The following CFAP299 variants were observed in gnomAD, a reference collection of about 807,000 sequenced individuals.
The protein encoded by CFAP299 is cilia- and flagella-associated protein 299.
In CFAP299, 21 loss-of-function variants were observed where a neutral mutation model predicts 27.0. The observed-to-expected ratio is 0.78, with a 90% CI of 0.55 to 1.12. The LOEUF (loss-of-function observed/expected upper bound fraction) is 1.12. CFAP299 is among the 50% of genes most tolerant of loss of function. The pLI is 0.00. For synonymous variants in CFAP299, 104 were observed against 98.1 expected (o/e 1.06, Z -0.36); for missense variants, 310 against 276.6 (o/e 1.12, Z -0.86).
At chr4:80,554,145 A>G (rs1409940043) in intron 2 of CFAP299, among the ~76,000 whole-genome samples, 1 of 152,128 alleles carries the variant, frequency 6.6e-6, no homozygotes, top group Non-Finnish European at 1.5e-5. Flanking sequence ...TAAGTCTTCA[A>G]TCCATCTCGA....
intron 2 of CFAP299, among the ~76,000 whole-genome samples, chr4:80,527,001 C>G (rs1250285752): frequency 2.6e-5 from 4 of 151,562 alleles, no homozygotes; most frequent in African/African-American, 9.7e-5. Context: ...GGGCCAGTTA[C>G]TTAAATTTTT....
At position 80,737,093 on chromosome 4, in the gene CFAP299, C is replaced by A. The variant is rs1036952273; in HGVS notation, c.334-132900C>A. Among the ~76,000 whole-genome samples, 24 of 146,754 alleles carry A rather than the reference C, an allele frequency of 1.6e-4. 1 individual carries two copies. The highest frequency in any genetic ancestry group is 1.6e-4 in the Non-Finnish European group (11 of 67,462). On this transcript the variant is annotated intron_variant, in intron 3 of 5. Transcript: ENST00000358105. ...AAACCAAACACCGCATATTCTCACT[C>A]ATAGGTGGGAACTGAACAACGAGAA...
intron 2 of CFAP299, among the ~76,000 whole-genome samples, chr4:80,541,923 C>A (rs1734011342): frequency 6.6e-6 from 1 of 151,220 alleles, no homozygotes; most frequent in Non-Finnish European, 1.5e-5. Flanking sequence ...ACAAAGGTAT[C>A]AAGGACATTA....
At chr4:80,889,445 C>T (rs1404768467) in intron 4 of CFAP299, among the ~76,000 whole-genome samples, 1 of 151,826 alleles carries the variant, frequency 6.6e-6, no homozygotes, top group African/African-American at 2.4e-5. Flanking sequence ...TCCAAAACCT[C>T]AATAGACCGA....
At chr4:80,367,738 C>G (rs754141323) in intron 2 of CFAP299, among the ~76,000 whole-genome samples, 2 of 152,142 alleles carry the variant, frequency 1.3e-5, no homozygotes, top group Non-Finnish European at 2.9e-5. Context: ...AAGACAGAAG[C>G]TGTAGAGGTT....
At chr4:80,946,308 A>G (rs1737474197) in intron 5 of CFAP299, among the ~76,000 whole-genome samples, 3 of 152,158 alleles carry the variant, frequency 2.0e-5, no homozygotes, top group South Asian at 4.1e-4. Context: ...CTCCACAGTC[A>G]TCTGGGCCAG....
At chr4:80,661,627 C>T (rs940887296) in intron 3 of CFAP299, among the ~76,000 whole-genome samples, 2 of 152,026 alleles carry the variant, frequency 1.3e-5, no homozygotes, top group African/African-American at 4.8e-5. Flanking sequence ...CGCCTCAGGA[C>T]CCTGTGATAA....
chr4:80,949,549 A>AAC (rs1553909068), intron 5 of CFAP299, among the ~76,000 whole-genome samples: 647 of 10,868 alleles, frequency 0.06, 5 homozygotes, highest in Middle Eastern at 0.5. Context: ...ACAACAACAA[A>AAC]AAAAAAAAGA....
chr4:80,553,136 C>T (rs1285460770), intron 2 of CFAP299, among the ~76,000 whole-genome samples: 1 of 152,004 alleles, frequency 6.6e-6, no homozygotes, highest in African/African-American at 2.4e-5. Flanking sequence ...TAGTTATCTG[C>T]TTCTCTTCTT....
At chr4:80,668,407 A>G (rs544040667) in intron 3 of CFAP299, among the ~76,000 whole-genome samples, 2 of 152,224 alleles carry the variant, frequency 1.3e-5, no homozygotes, top group East Asian at 1.9e-4. Flanking sequence ...GCATTTCCCC[A>G]AAGTTTTTTG....
chr4:80,723,402 T>C (rs748189410), intron 3 of CFAP299, among the ~76,000 whole-genome samples: 1 of 152,084 alleles, frequency 6.6e-6, no homozygotes, highest in Non-Finnish European at 1.5e-5. Context: ...AAGTAAATAA[T>C]AAATGAACTG....
chr4:80,332,504 A>T (rs1241807783), upstream of CFAP299, among the ~76,000 whole-genome samples: 1 of 152,188 alleles, frequency 6.6e-6, no homozygotes, highest in Non-Finnish European at 1.5e-5. Context: ...GAAGGAGGTA[A>T]ATCTCTTCCT....
At chr4:80,478,197 G>A (rs373230718) in intron 2 of CFAP299, among the ~76,000 whole-genome samples, 16 of 152,152 alleles carry the variant, frequency 1.1e-4, no homozygotes, top group African/African-American at 3.4e-4. Context: ...CTTTTAAAAC[G>A]TATCCAGTGG....
chr4:80,547,630 A>T (rs1014041918), intron 2 of CFAP299, among the ~76,000 whole-genome samples: 4 of 152,170 alleles, frequency 2.6e-5, no homozygotes, highest in Admixed American at 2.0e-4. Flanking sequence ...TAAGCATCCA[A>T]CAAAGGTCTA....
In CFAP299 at chr4:80,390,878, T is replaced by TATATACACACATATGC. The variant is rs1560543906; in HGVS notation, c.242+27999_242+28000insCACACATATGCATATA. Among the ~76,000 whole-genome samples the TATATACACACATATGC allele has an allele frequency of 1.6e-4, 11 of 66,700 alleles. No individual in the cohort carries two copies. The East Asian group carries it at 5.3e-3, about 32-fold the overall frequency. 43.8% of individuals were successfully genotyped at this position (66,700 alleles called of 152,430 possible). A position where few individuals can be genotyped will look rare whatever the true frequency, so the allele number is the denominator to read the frequency against. ...GTATATGTATATGCGCACATATATG[T>TATATACACACATATGC]ATATATGTATATACACACATATGCA... On this transcript the variant is annotated intron_variant, in intron 2 of 5. Transcript: ENST00000358105.
At chr4:80,373,104 C>A (rs913695078) in intron 2 of CFAP299, among the ~76,000 whole-genome samples, 1 of 152,014 alleles carries the variant, frequency 6.6e-6, no homozygotes, top group Non-Finnish European at 1.5e-5. Context: ...AGTCAATGAT[C>A]CCTGAGTGGC....
At chr4:80,698,933 C>T (rs962848504) in intron 3 of CFAP299, among the ~76,000 whole-genome samples, 1 of 152,138 alleles carries the variant, frequency 6.6e-6, no homozygotes, top group Non-Finnish European at 1.5e-5. Context: ...AAGGGGATTA[C>T]AATTCAAGAT....
chr4:80,934,451 A>G, intron 4 of CFAP299, among the ~76,000 whole-genome samples: 1 of 151,978 alleles, frequency 6.6e-6, no homozygotes, highest in East Asian at 1.9e-4. Flanking sequence ...ATTCCCTCCT[A>G]TTCAATCTTT....
rs78846644 is a variant in CFAP299 at position 80,775,206 on chromosome 4, A to G, written c.334-94787A>G. Among the ~76,000 whole-genome samples the G allele has an allele frequency of 2.0e-3, 302 of 152,076 alleles. 14 individuals are homozygous for G. In the East Asian group the frequency reaches 0.05, roughly 25 times the overall value. On this transcript the variant is annotated intron_variant, in intron 3 of 5. Coordinates refer to ENST00000358105, the MANE Select transcript of CFAP299 (RefSeq NM_152770.3). ...TATAGGTAACCCATATATAAACCTA[A>G]ATAAATATGCTTCTAATTAAATGTC...
Sources: allele counts gnomAD v4.1 joint callset (sites outside exome capture counted in the v4.1 genomes callset), GRCh38; gene constraint gnomAD v4.1.1; transcripts MANE v1.5; gene names NCBI Gene and HGNC (gene_info 2026-07-23, HGNC 2026-07-21).